CFLAR: variants seen among roughly 807,000 people sequenced by gnomAD.
CFLAR encodes CASP8 and FADD like apoptosis regulator, also known as CASP8 and FADD-like apoptosis regulator.
CFLAR carries 14 observed loss-of-function variants against 51.1 expected under a neutral mutation model. That is an observed-to-expected ratio of 0.27 (90% CI 0.18 to 0.43). The LOEUF (loss-of-function observed/expected upper bound fraction) is 0.43, where lower values mean the gene tolerates loss of function less well. Among genes scored for constraint, CFLAR ranks in the 20% least tolerant of loss-of-function variants. The pLI, the probability that CFLAR is intolerant of heterozygous loss-of-function variation, is 1.00. For missense variants in CFLAR, 390 were observed against 566.5 expected (o/e 0.69, Z 3.16); for synonymous variants, 210 against 211.6 (o/e 0.99, Z 0.06).
intron 3 of CFLAR, among the ~76,000 whole-genome samples, chr2:201,133,705 T>C (rs1229290825): frequency 1.3e-5 from 2 of 150,888 alleles, no homozygotes; most frequent in Non-Finnish European, 3.0e-5. Context: ...CCAAGGTGGG[T>C]GGATCACGAG....
intron 2 of CFLAR, among the ~76,000 whole-genome samples, chr2:201,132,430 A>AAAT (rs34318341): frequency 0.16 from 21,874 of 137,626 alleles, 1,968 homozygotes; most frequent in African/African-American, 0.26. Flanking sequence ...GGGGGGGAAA[A>AAAT]ATATATATAT....
At chr2:201,163,134 C>A in intron 9 of CFLAR, 1 of 783,124 alleles carries the variant, frequency 1.3e-6, no homozygotes, top group Admixed American at 2.1e-5. Flanking sequence ...TTCTCCCTGA[C>A]ACTGCATGCT....
intron 1 of CFLAR, among the ~76,000 whole-genome samples, chr2:201,121,695 G>T (rs1240748749): frequency 6.6e-6 from 1 of 152,102 alleles, no homozygotes; most frequent in African/African-American, 2.4e-5. Context: ...GGCCAAGTTT[G>T]GCCCTTTAGT....
chr2:201,161,542 T>C (rs1422438585), intron 9 of CFLAR, among the ~76,000 whole-genome samples: 1 of 151,506 alleles, frequency 6.6e-6, no homozygotes, highest in Admixed American at 6.6e-5. Context: ...CCCTCCCAAG[T>C]AGCTGGGATT....
rs1575873024 is a variant in CFLAR, at chr2:201,154,336, A to G, written c.793+4501A>G. 4 of 159,660 alleles carry G rather than the reference A, an allele frequency of 2.5e-5. No individual in the cohort carries two copies. In the South Asian group the frequency reaches 5.5e-4, roughly 22 times the overall value. The allele number at this position is 159,660 out of a possible 1,614,324, so 9.9% of individuals were successfully genotyped here. A position where few individuals can be genotyped will look rare whatever the true frequency, so the allele number is the denominator to read the frequency against. ...GATCTCCTGACCTTGTGATCTGCCC[A>G]CCTCAGCCTCCCAAAGTGCTACGAT... On this transcript the variant is annotated intron_variant, in intron 8 of 9. Coordinates refer to ENST00000309955, the MANE Select transcript of CFLAR (RefSeq NM_003879.7).
chr2:201,122,209 T>C (rs1575593976), intron 1 of CFLAR, among the ~76,000 whole-genome samples: 1 of 152,234 alleles, frequency 6.6e-6, no homozygotes, highest in African/African-American at 2.4e-5. Flanking sequence ...GTTGGAGACA[T>C]TGTATTCTCC....
In CFLAR at chr2:201,160,903, T is replaced by A; in HGVS notation, c.1265T>A (p.Leu422Gln). The A allele has an allele frequency of 6.2e-7, 1 of 1,612,906 alleles. No homozygotes were observed. Among genetic ancestry groups the A allele is most frequent in the South Asian group, 1.1e-5 (1 of 91,056 alleles). Residue 422 changes from leucine to glutamine, a missense_variant, in exon 9 of 10, where the codon CTG (leucine) becomes CAG (glutamine). By Grantham distance (113) the Leu-to-Gln change is moderately radical. This residue lies in a region of CFLAR where 287 missense variants were observed against 363.6 expected (regional missense o/e 0.79). Transcript: ENST00000309955. ...LLEQSHSSPS[L>Q]YLQCLSQKLR... ...GAGCAGTCTCACAGCTCACCATCCC[T>A]GTACCTGCAGTGCCTCTCCCAGAAA... is the stretch of plus-strand genomic sequence containing the variant.
intron 3 of CFLAR, 87 bp downstream of exon 3, chr2:201,133,221 A>C (rs1230801316): frequency 1.1e-6 from 1 of 933,046 alleles, no homozygotes; most frequent in African/African-American, 1.6e-5. Flanking sequence ...GGAAGCAGGC[A>C]GTCTGCCGCC....
intron 4 of CFLAR, chr2:201,136,447 G>A: frequency 1.3e-6 from 2 of 1,597,900 alleles, no homozygotes; most frequent in Non-Finnish European, 1.7e-6. Context: ...CCTTGCTCTG[G>A]TATTTGGCCT....
At chr2:201,134,154 C>T (rs1021274900) in intron 3 of CFLAR, among the ~76,000 whole-genome samples, 3 of 149,278 alleles carry the variant, frequency 2.0e-5, no homozygotes, top group African/African-American at 2.5e-5. Flanking sequence ...ACTAAAAATA[C>T]AAAAAATTAG....
chr2:201,159,679 G>A (rs1020726924), intron 8 of CFLAR, among the ~76,000 whole-genome samples: 1 of 152,140 alleles, frequency 6.6e-6, no homozygotes, highest in Admixed American at 6.5e-5. Context: ...TCCTTTTACC[G>A]ATAGGAAAGG....
intron 5 of CFLAR, among the ~76,000 whole-genome samples, chr2:201,145,100 A>G (rs1389876196): frequency 6.6e-6 from 1 of 152,024 alleles, no homozygotes; most frequent in South Asian, 2.1e-4. Context: ...TGATCCACCC[A>G]CCTTGGCATC....
chr2:201,156,500 C>T (rs1942205565), intron 8 of CFLAR, among the ~76,000 whole-genome samples: 1 of 152,166 alleles, frequency 6.6e-6, no homozygotes, highest in Non-Finnish European at 1.5e-5. Context: ...TTATTTTATA[C>T]ATTTATTTAA....
intron 9 of CFLAR, 148 bp downstream of exon 9, chr2:201,161,090 C>CA (rs1361507516): frequency 1.7e-6 from 1 of 598,308 alleles, no homozygotes; most frequent in Non-Finnish European, 3.0e-6. Flanking sequence ...CCTAGGACTA[C>CA]AGTATAGACC....
At chr2:201,121,997 A>T (rs1487849525) in intron 1 of CFLAR, among the ~76,000 whole-genome samples, 1 of 152,218 alleles carries the variant, frequency 6.6e-6, no homozygotes, top group South Asian at 2.1e-4. Flanking sequence ...TGGTTTAGAT[A>T]CCTAAAAAGA....
At position 201,161,885 on chromosome 2, in the gene CFLAR, T is replaced by C. The variant is rs535386489; in HGVS notation, c.1304+943T>C. ...CCTCAGCTTCCCGAGTAGCTGGGAT[T>C]ACAGGCGTCCGCCATCACACCTGGC... is the stretch of plus-strand genomic sequence containing the variant. On this transcript the variant is annotated intron_variant, in intron 9 of 9. Transcript: ENST00000309955. Among the ~76,000 whole-genome samples, 635 of 151,954 alleles carry C rather than the reference T, an allele frequency of 4.2e-3. 10 individuals are homozygous for C. The highest frequency in any genetic ancestry group is 0.015 in the African/African-American group (606 of 41,460).
At position 201,170,637 on chromosome 2, in the gene CFLAR, TCCA is replaced by T. The variant is rs1559278908; in HGVS notation, c.*6672_*6674del. The T allele has an allele frequency of 6.6e-6, 1 of 152,226 alleles. No homozygotes were observed. The highest frequency in any genetic ancestry group is 1.5e-5 in the Non-Finnish European group (1 of 68,034). 9.4% of individuals were successfully genotyped at this position (152,226 alleles called of 1,614,324 possible). On this transcript the variant is annotated 3_prime_UTR_variant, in exon 10 of 10. Transcript: ENST00000309955. ...CAATTTCTTTTTAAATCTGTTATTC[TCCA>T]CCACCACTCAATCTGTCTATCATCT...
At chr2:201,127,753 A>G (rs899186916) in intron 1 of CFLAR, among the ~76,000 whole-genome samples, 2 of 152,100 alleles carry the variant, frequency 1.3e-5, no homozygotes, top group South Asian at 2.1e-4. Flanking sequence ...TTTTCTTTCA[A>G]TGTGCCAGAT....
intron 5 of CFLAR, among the ~76,000 whole-genome samples, chr2:201,145,067 G>A (rs868028827): frequency 6.6e-6 from 1 of 152,046 alleles, no homozygotes; most frequent in African/African-American, 2.4e-5. Flanking sequence ...TGGCCAGGCC[G>A]GTCTGGAACT....
Sources: gnomAD v4.1 joint callset for allele counts (sites outside exome capture counted in the v4.1 genomes callset) on GRCh38, gnomAD v4.1.1 for gene constraint, gnomAD v4.1.1 regional missense constraint, MANE v1.5 for transcripts, NCBI Gene and HGNC (gene_info 2026-07-23, HGNC 2026-07-21) for gene names.